Variants in TRIM9 observed in about 807,000 individuals in gnomAD.
TRIM9 encodes the protein E3 ubiquitin-protein ligase TRIM9.
TRIM9 carries 26 observed loss-of-function variants against 78.3 expected under a neutral mutation model. The ratio of observed to expected loss-of-function variants is 0.33; its 90% CI spans 0.24 to 0.46. The LOEUF (loss-of-function observed/expected upper bound fraction) is 0.46. Ranked by LOEUF, TRIM9 falls within the 20% of genes least tolerant of loss-of-function variation. The pLI, the probability that TRIM9 is intolerant of heterozygous loss-of-function variation, is 1.00. For missense variants in TRIM9, 787 were observed against 1,036.4 expected, an observed-to-expected ratio of 0.76 and a Z score of 3.30; for synonymous variants, 398 against 416.5, an observed-to-expected ratio of 0.96 and a Z score of 0.54.
chr14:51,021,296 C>T (rs558214188), intron 3 of TRIM9, among the ~76,000 whole-genome samples: 5 of 152,264 alleles, frequency 3.3e-5, no homozygotes, highest in East Asian at 1.9e-4. Context: ...ACAGCTTTGC[C>T]GATTCCTGCA....
chr14:50,988,451 A>C lies in TRIM9; in HGVS notation c.1604-2307T>G, dbSNP rs538041948. Reference sequence around the variant, plus strand: ...TCACGGGATTAGTAACTTGGCATTAAGATGGTTATGGCTCTTCCTATCCTT... The same window carrying C: ...TCACGGGATTAGTAACTTGGCATTACGATGGTTATGGCTCTTCCTATCCTT... On this transcript the variant is annotated intron_variant, in intron 7 of 12. Coordinates refer to ENST00000684578, the MANE Select transcript of TRIM9 (RefSeq NM_001387360.1). 3.9e-5 allele frequency: 6 copies of C among 152,268 alleles called. No homozygotes were observed. The East Asian group carries it at 1.2e-3, about 29-fold the overall frequency. The allele number at this position is 152,268 out of a possible 1,614,324, so 9.4% of individuals were successfully genotyped here.
At chr14:51,047,649 CA>C (rs75362989) in intron 1 of TRIM9, among the ~76,000 whole-genome samples, 11,704 of 152,106 alleles carry the variant, frequency 0.077, 574 homozygotes, top group Middle Eastern at 0.12. Context: ...GCAACATACC[CA>C]AGGGAGGTAT....
chr14:51,071,305 G>C (rs2062221048), intron 1 of TRIM9, among the ~76,000 whole-genome samples: 2 of 151,436 alleles, frequency 1.3e-5, no homozygotes, highest in African/African-American at 4.8e-5. Flanking sequence ...GAACCCGGGA[G>C]GTGGAGGTTG....
chr14:50,987,287 G>A (rs767828227), intron 7 of TRIM9, among the ~76,000 whole-genome samples: 2 of 152,120 alleles, frequency 1.3e-5, no homozygotes, highest in African/African-American at 2.4e-5. Flanking sequence ...AATGTTACTC[G>A]CATGTTGAAG....
chr14:51,048,750 C>T (rs562506516), intron 1 of TRIM9, among the ~76,000 whole-genome samples: 2 of 151,780 alleles, frequency 1.3e-5, no homozygotes, highest in Admixed American at 6.6e-5. Flanking sequence ...TTTGGAAGGC[C>T]GAGGCAGGCG....
intron 1 of TRIM9, among the ~76,000 whole-genome samples, chr14:51,081,619 T>C (rs1004965305): frequency 6.6e-6 from 1 of 152,198 alleles, no homozygotes; most frequent in African/African-American, 2.4e-5. Context: ...AGGATTGCCC[T>C]CACTTCAGAT....
chr14:51,078,238 A>G (rs936668428), intron 1 of TRIM9, among the ~76,000 whole-genome samples: 5 of 152,240 alleles, frequency 3.3e-5, no homozygotes, highest in Non-Finnish European at 7.3e-5. Context: ...GAAGGAATGT[A>G]GTGGGTATAT....
At chr14:51,029,219 C>T (rs1188632836) in intron 1 of TRIM9, among the ~76,000 whole-genome samples, 3 of 152,166 alleles carry the variant, frequency 2.0e-5, no homozygotes, top group African/African-American at 7.2e-5. Flanking sequence ...CTGGCTGTCT[C>T]GGATCTGAAG....
rs904412529 is a variant in TRIM9 at position 51,010,591 on chromosome 14, A to G, written c.1042-97T>C. 9 of 872,312 alleles carry G rather than the reference A, an allele frequency of 1.0e-5. No homozygotes were observed. The African/African-American group carries it at 1.5e-4, about 15-fold the overall frequency. 54.0% of individuals were successfully genotyped at this position (872,312 alleles called of 1,614,324 possible). ...GGAAAGCTTCTTCAAACCAGAATCC[A>G]TTCCATTCTGGAATGGAACTAAATT... On this transcript the variant is annotated intron_variant, in intron 3 of 12. Transcript: ENST00000684578.
chr14:50,995,835 T>C (rs1298272293), intron 7 of TRIM9, among the ~76,000 whole-genome samples: 1 of 152,136 alleles, frequency 6.6e-6, no homozygotes, highest in Non-Finnish European at 1.5e-5. Context: ...TAATAAAGCA[T>C]AAGTGCAGTG....
chr14:50,979,266 A>G (rs2051491937), intron 12 of TRIM9, 121 bp downstream of exon 12: 3 of 1,559,434 alleles, frequency 1.9e-6, no homozygotes, highest in African/African-American at 2.7e-5. Flanking sequence ...CCTCTCCTTC[A>G]TATCTTGGTC....
At position 50,981,970 on chromosome 14, in the gene TRIM9, G is replaced by C. The variant is rs1372254812; in HGVS notation, c.1992C>G (p.His664Gln). ...AGCGATCTACCGTGAGCTCCCAGTA[G>C]TGGATGCCCTTGGAGAAGCCAGTCT... ...LGKTGFSKGI[H>Q]YWELTVDRYD... The change falls in exon 11 of 13, where the codon CAC becomes CAG. Residue 664 changes from histidine to glutamine, a missense_variant. Physicochemically the swap from His to Gln is conservative, Grantham distance 24. Transcript: ENST00000684578. The C allele has an allele frequency of 1.2e-6, 2 of 1,614,072 alleles. No homozygotes were observed. The highest frequency in any genetic ancestry group is 1.7e-6 in the Non-Finnish European group (2 of 1,180,052).
chr14:51,046,460 G>C (rs544051971), intron 1 of TRIM9, among the ~76,000 whole-genome samples: 3 of 152,284 alleles, frequency 2.0e-5, no homozygotes, highest in East Asian at 1.9e-4. Context: ...GGAGAAACTG[G>C]GAAAAGTGTC....
chr14:51,062,572 CTA>C (rs1463061573), intron 1 of TRIM9, among the ~76,000 whole-genome samples: 4 of 152,010 alleles, frequency 2.6e-5, no homozygotes, highest in Admixed American at 2.6e-4. Context: ...ATATGTAGAT[CTA>C]TGTTTATAGG....
intron 1 of TRIM9, among the ~76,000 whole-genome samples, chr14:51,044,332 C>T (rs1377817208): frequency 6.6e-6 from 1 of 152,180 alleles, no homozygotes; most frequent in African/African-American, 2.4e-5. Flanking sequence ...TCCTCTTCTT[C>T]CATCCTAACC....
At chr14:51,005,765 G>A (rs1441520721) in intron 5 of TRIM9, among the ~76,000 whole-genome samples, 1 of 152,014 alleles carries the variant, frequency 6.6e-6, no homozygotes, top group Non-Finnish European at 1.5e-5. Context: ...CTGGAAAGAG[G>A]GTAAGATGAT....
intron 1 of TRIM9, among the ~76,000 whole-genome samples, chr14:51,029,681 T>C (rs1032775050): frequency 1.3e-4 from 20 of 149,682 alleles, no homozygotes; most frequent in Non-Finnish European, 2.8e-4. Flanking sequence ...TGTAATACAT[T>C]GGTCATTTCT....
chr14:51,013,493 T>C (rs2056821167), intron 3 of TRIM9, among the ~76,000 whole-genome samples: 1 of 152,256 alleles, frequency 6.6e-6, no homozygotes, highest in Non-Finnish European at 1.5e-5. Context: ...TTTTTCAAGA[T>C]TGTTTATTTA....
At chr14:51,055,618 G>A (rs987641466) in intron 1 of TRIM9, among the ~76,000 whole-genome samples, 2 of 152,220 alleles carry the variant, frequency 1.3e-5, no homozygotes, top group Non-Finnish European at 2.9e-5. Context: ...ATGAGCCAAG[G>A]AATGTGGGTG....
Sources: gnomAD v4.1 joint callset for allele counts (sites outside exome capture counted in the v4.1 genomes callset) on GRCh38, gnomAD v4.1.1 for gene constraint, MANE v1.5 for transcripts, NCBI Gene and HGNC (gene_info 2026-07-23, HGNC 2026-07-21) for gene names.